LSAMP: variants seen among roughly 807,000 people sequenced by gnomAD.
The protein encoded by LSAMP is limbic system associated membrane protein.
A neutral mutation model predicts 38.6 loss-of-function variants in LSAMP; 7 were observed. The observed-to-expected ratio is 0.18, with a 90% CI of 0.10 to 0.34. LSAMP has a LOEUF of 0.34. Among genes scored for constraint, LSAMP ranks in the 10% least tolerant of loss-of-function variants. The probability of loss-of-function intolerance (pLI) is 1.00; values close to 1 mark genes in which losing one functional copy is unlikely to be tolerated. For missense variants in LSAMP, 313 were observed against 420.0 expected, an observed-to-expected ratio of 0.75 and a Z score of 2.23; for synonymous variants, 154 against 166.8, an observed-to-expected ratio of 0.92 and a Z score of 0.59.
intron 1 of LSAMP, among the ~76,000 whole-genome samples, chr3:116,407,530 A>G (rs1356246135): frequency 2.6e-5 from 4 of 152,056 alleles, no homozygotes; most frequent in Non-Finnish European, 5.9e-5. Flanking sequence ...CTTTGCAAGG[A>G]ATGCTTATGT....
intron 3 of LSAMP, among the ~76,000 whole-genome samples, chr3:115,928,969 G>GTTTTTT (rs1033194537): frequency 3.7e-5 from 2 of 53,582 alleles, no homozygotes; most frequent in African/African-American, 5.7e-5. Context: ...CAGGTTTTTT[G>GTTTTTT]TTTGTTTTTT....
intron 4 of LSAMP, among the ~76,000 whole-genome samples, chr3:115,848,152 C>A (rs1319296872): frequency 6.6e-6 from 1 of 152,174 alleles, no homozygotes. Context: ...GAGAAGCTGG[C>A]CAGTCTGGTT....
At chr3:116,318,551 A>G (rs1474451046) in intron 1 of LSAMP, among the ~76,000 whole-genome samples, 1 of 152,214 alleles carries the variant, frequency 6.6e-6, no homozygotes, top group East Asian at 1.9e-4. Flanking sequence ...ATTAGCTCCA[A>G]GAGAGGTTTC....
At chr3:116,235,145 A>T (rs1056237594) in intron 1 of LSAMP, among the ~76,000 whole-genome samples, 6 of 80,184 alleles carry the variant, frequency 7.5e-5, no homozygotes, top group African/African-American at 1.6e-4. Context: ...GTGTGTTTTT[A>T]TTAACTTTAT....
chr3:116,204,202 T>C (rs1228333558), intron 1 of LSAMP, among the ~76,000 whole-genome samples: 1 of 151,908 alleles, frequency 6.6e-6, no homozygotes, highest in Non-Finnish European at 1.5e-5. Context: ...ATGTCTTCTT[T>C]TGAGAAGTGT....
intron 3 of LSAMP, among the ~76,000 whole-genome samples, chr3:115,915,278 A>G (rs1312361369): frequency 2.6e-5 from 4 of 152,234 alleles, no homozygotes; most frequent in Non-Finnish European, 5.9e-5. Flanking sequence ...ATATTGGGCA[A>G]TATCTTGCTG....
In LSAMP at chr3:116,221,844, A is replaced by AGCGTGT. The variant is rs1553714882; in HGVS notation, c.156-135289_156-135288insACACGC. 5.3e-3 allele frequency among the ~76,000 whole-genome samples: 765 copies of AGCGTGT among 145,480 alleles called. 4 individuals are homozygous for AGCGTGT. The highest frequency in any genetic ancestry group is 0.01 in the Middle Eastern group (3 of 288). ...AACATTCTGCGTGATCCTAAAAAGA[A>AGCGTGT]GTGTGTGTGTGTGTGTGTGTGTGTG... On this transcript the variant is annotated intron_variant, in intron 1 of 6. Transcript: ENST00000490035.
intron 1 of LSAMP, among the ~76,000 whole-genome samples, chr3:116,318,622 G>A (rs1395040350): frequency 6.6e-6 from 1 of 151,970 alleles, no homozygotes; most frequent in Non-Finnish European, 1.5e-5. Context: ...AAATAACAGA[G>A]GTAATTAAAC....
intron 1 of LSAMP, among the ~76,000 whole-genome samples, chr3:116,400,113 A>G (rs565524817): frequency 3.3e-5 from 5 of 152,224 alleles, no homozygotes; most frequent in Non-Finnish European, 5.9e-5. Flanking sequence ...AAAAACCCCT[A>G]AATTTCCTTG....
intron 1 of LSAMP, among the ~76,000 whole-genome samples, chr3:116,178,411 G>T (rs924214205): frequency 1.3e-5 from 2 of 152,094 alleles, no homozygotes; most frequent in African/African-American, 4.8e-5. Context: ...CAAGTGATCT[G>T]CCCACCTCAT....
At chr3:115,923,555 T>C (rs972093306) in intron 3 of LSAMP, among the ~76,000 whole-genome samples, 3 of 152,228 alleles carry the variant, frequency 2.0e-5, no homozygotes, top group Non-Finnish European at 4.4e-5. Flanking sequence ...ATGTAAGTCT[T>C]AATTTAGATA....
intron 1 of LSAMP, among the ~76,000 whole-genome samples, chr3:116,430,334 T>A (rs1312914032): frequency 6.6e-6 from 1 of 151,972 alleles, no homozygotes; most frequent in Non-Finnish European, 1.5e-5. Context: ...ATAATAGAAT[T>A]CCATTAAAAA....
intron 2 of LSAMP, among the ~76,000 whole-genome samples, chr3:116,020,667 A>G (rs771837723): frequency 6.6e-6 from 1 of 152,196 alleles, no homozygotes; most frequent in Non-Finnish European, 1.5e-5. Flanking sequence ...ATTAGTGTTC[A>G]GGGTGGCAAC....
chr3:115,991,189 G>A (rs1445878438), intron 3 of LSAMP, among the ~76,000 whole-genome samples: 2 of 152,010 alleles, frequency 1.3e-5, no homozygotes, highest in African/African-American at 2.4e-5. Context: ...CATCTGCATA[G>A]CATGATTTTA....
intron 3 of LSAMP, among the ~76,000 whole-genome samples, chr3:116,011,953 A>G (rs1385222531): frequency 6.6e-6 from 1 of 152,188 alleles, no homozygotes. Flanking sequence ...CTACCCTGTC[A>G]TCTCACGAGG....
chr3:116,380,573 A>G (rs2048546175), intron 1 of LSAMP, among the ~76,000 whole-genome samples: 1 of 151,926 alleles, frequency 6.6e-6, no homozygotes, highest in Admixed American at 6.6e-5. Context: ...CAGCCTCAGT[A>G]TATGTTTTTC....
chr3:116,011,696 A>C (rs1169110710), intron 3 of LSAMP, among the ~76,000 whole-genome samples: 2 of 152,010 alleles, frequency 1.3e-5, no homozygotes, highest in Non-Finnish European at 2.9e-5. Context: ...AAAATAAGGA[A>C]AGTGAATGAA....
intron 1 of LSAMP, among the ~76,000 whole-genome samples, chr3:116,292,751 T>C (rs558425859): frequency 6.6e-6 from 1 of 152,322 alleles, no homozygotes; most frequent in South Asian, 2.1e-4. Context: ...TCATTTGCCA[T>C]GGAAGATAAC....
rs1470869692 is a variant in LSAMP, at chr3:116,073,046, C to T, written c.388+13278G>A. On this transcript the variant is annotated intron_variant, in intron 2 of 6. Coordinates refer to ENST00000490035, the MANE Select transcript of LSAMP (RefSeq NM_002338.5). ...AGAGTTTTCATAATTGTGGGTTTCA[C>T]ATTTTAGTCTTCAATCCATCCTGAG... Among the ~76,000 whole-genome samples the T allele has an allele frequency of 3.3e-5, 5 of 152,130 alleles. No individual in the cohort carries two copies. The East Asian group carries it at 7.7e-4, about 23-fold the overall frequency.
Sources: allele counts gnomAD v4.1 joint callset (sites outside exome capture counted in the v4.1 genomes callset), GRCh38; gene constraint gnomAD v4.1.1; transcripts MANE v1.5; gene names NCBI Gene and HGNC (gene_info 2026-07-23, HGNC 2026-07-21).